Variants in ASAP1 observed in about 807,000 individuals in gnomAD.
The protein encoded by ASAP1 is ArfGAP with SH3 domain, ankyrin repeat and PH domain 1.
A neutral mutation model predicts 145.2 loss-of-function variants in ASAP1; 43 were observed. The observed-to-expected ratio is 0.30, with a 90% CI of 0.23 to 0.38. The LOEUF (loss-of-function observed/expected upper bound fraction) is 0.38. Ranked by LOEUF, ASAP1 falls within the 10% of genes least tolerant of loss-of-function variation. The probability of loss-of-function intolerance (pLI) is 1.00; values close to 1 mark genes in which losing one functional copy is unlikely to be tolerated. For missense variants in ASAP1, 1,018 were observed against 1,355.3 expected (o/e 0.75, Z 3.91); for synonymous variants, 546 against 515.5 (o/e 1.06, Z -0.80).
At chr8:130,080,048 A>C in intron 25 of ASAP1, 77 bp from the exon 26 acceptor site, 2 of 1,305,502 alleles carry the variant, frequency 1.5e-6, no homozygotes, top group Non-Finnish European at 2.2e-6. Context: ...TTTGGCCTGT[A>C]GACAGGCATT....
At chr8:130,354,961 T>C (rs1001625373) in intron 3 of ASAP1, among the ~76,000 whole-genome samples, 1 of 152,190 alleles carries the variant, frequency 6.6e-6, no homozygotes, top group African/African-American at 2.4e-5. Flanking sequence ...TCTTGGCTCA[T>C]TGTAACCTCG....
At chr8:130,303,532 TAAAC>T (rs1272060783) in intron 3 of ASAP1, among the ~76,000 whole-genome samples, 1 of 152,106 alleles carries the variant, frequency 6.6e-6, no homozygotes, top group East Asian at 1.9e-4. Context: ...CCTGAAAGGA[TAAAC>T]AAACTGTAGT....
intron 9 of ASAP1, among the ~76,000 whole-genome samples, chr8:130,176,012 T>A (rs187798862): frequency 6.6e-6 from 1 of 152,222 alleles, no homozygotes; most frequent in Non-Finnish European, 1.5e-5. Context: ...CTGGAGGATA[T>A]GTCTGTTTGG....
chr8:130,215,643 C>T (rs754313900), intron 4 of ASAP1, among the ~76,000 whole-genome samples: 1 of 152,050 alleles, frequency 6.6e-6, no homozygotes, highest in Admixed American at 6.5e-5. Flanking sequence ...ACTCGGGAGG[C>T]GGAGGCAGGA....
chr8:130,301,131 G>A (rs562740956), intron 3 of ASAP1, among the ~76,000 whole-genome samples: 1 of 152,290 alleles, frequency 6.6e-6, no homozygotes, highest in East Asian at 1.9e-4. Flanking sequence ...GAGGACATGA[G>A]AAATAGTACT....
chr8:130,354,170 C>G (rs1274512251), intron 3 of ASAP1, among the ~76,000 whole-genome samples: 2 of 152,010 alleles, frequency 1.3e-5, no homozygotes, highest in African/African-American at 4.8e-5. Context: ...GATTACAGGC[C>G]TGAGCCACCG....
rs932993328 is a variant in ASAP1, at chr8:130,053,693, GAACAA to G, written c.*1033_*1037del. The G allele has an allele frequency of 6.6e-6, 1 of 152,144 alleles. No homozygotes were observed. The highest frequency in any genetic ancestry group is 1.5e-5 in the Non-Finnish European group (1 of 68,018). The allele number at this position is 152,144 out of a possible 1,614,324, so 9.4% of individuals were successfully genotyped here. ...CTTTTAAAAGTTTAAATTTGTCCAAGAACAAAACTAAGAAAATAATAAAAAATGGA... is the reference window on the plus strand; with the variant it reads ...CTTTTAAAAGTTTAAATTTGTCCAAGAACTAAGAAAATAATAAAAAATGGA... On this transcript the variant is annotated 3_prime_UTR_variant, in exon 30 of 30. Coordinates refer to ENST00000518721, the MANE Select transcript of ASAP1 (RefSeq NM_018482.4).
In ASAP1 at chr8:130,129,460, C is replaced by T. The variant is rs77526966; in HGVS notation, c.1218-1370G>A. Among the ~76,000 whole-genome samples the T allele has an allele frequency of 2.7e-3, 409 of 152,230 alleles. 2 individuals carry two copies. The highest frequency in any genetic ancestry group is 8.3e-3 in the African/African-American group (346 of 41,522). On this transcript the variant is annotated intron_variant, in intron 15 of 29. Coordinates refer to ENST00000518721, the MANE Select transcript of ASAP1 (RefSeq NM_018482.4). The stretch of plus-strand genomic sequence containing the variant: ...TCAAAACTATAATGAACTTGTATTA[C>T]TTTCATGAATGAGAAAAAAGCCAAA...
chr8:130,216,163 T>C (rs982961721), intron 4 of ASAP1, among the ~76,000 whole-genome samples: 1 of 152,186 alleles, frequency 6.6e-6, no homozygotes, highest in African/African-American at 2.4e-5. Flanking sequence ...GAAAAATTCA[T>C]GTGTCCTAAC....
chr8:130,138,851 A>AAG (rs1169247613), intron 13 of ASAP1, among the ~76,000 whole-genome samples: 1 of 151,670 alleles, frequency 6.6e-6, no homozygotes, highest in South Asian at 2.1e-4. Context: ...AAAAAAAAAA[A>AAG]AAAGAAAACA....
At chr8:130,408,709 T>A (rs1829139154) in intron 1 of ASAP1, among the ~76,000 whole-genome samples, 1 of 152,214 alleles carries the variant, frequency 6.6e-6, no homozygotes, top group African/African-American at 2.4e-5. Flanking sequence ...CCTAGGCACA[T>A]TCATTAAATC....
chr8:130,114,550 C>T (rs2097551748), intron 23 of ASAP1, among the ~76,000 whole-genome samples: 2 of 152,174 alleles, frequency 1.3e-5, no homozygotes, highest in African/African-American at 2.4e-5. Context: ...TTGGTTTATA[C>T]CAGCATCCCA....
At chr8:130,070,321 G>C (rs1022944149) in intron 27 of ASAP1, among the ~76,000 whole-genome samples, 1 of 152,176 alleles carries the variant, frequency 6.6e-6, no homozygotes, top group African/African-American at 2.4e-5. Context: ...ACAGGCGTGA[G>C]CCACCGTGCC....
At chr8:130,217,830 G>A (rs1180800537) in intron 4 of ASAP1, among the ~76,000 whole-genome samples, 1 of 152,060 alleles carries the variant, frequency 6.6e-6, no homozygotes, top group Admixed American at 6.5e-5. Flanking sequence ...TGGGTGCAAT[G>A]GGCACTCATG....
intron 24 of ASAP1, among the ~76,000 whole-genome samples, chr8:130,099,018 T>TTTTTC (rs1176248612): frequency 6.7e-6 from 1 of 148,928 alleles, no homozygotes; most frequent in Non-Finnish European, 1.5e-5. Flanking sequence ...TAAGCTTTTT[T>TTTTTC]TTTTTTTTTT....
chr8:130,345,093 G>A (rs981892765), intron 3 of ASAP1, among the ~76,000 whole-genome samples: 2 of 152,046 alleles, frequency 1.3e-5, no homozygotes, highest in Non-Finnish European at 2.9e-5. Context: ...TTTTGAGCCC[G>A]TTTCCTCATC....
intron 11 of ASAP1, 134 bp from the exon 12 acceptor site, chr8:130,160,098 T>C: frequency 1.4e-6 from 1 of 714,130 alleles, no homozygotes; most frequent in Non-Finnish European, 2.4e-6. Flanking sequence ...GTCAGGTCCT[T>C]TCCTTTATTT....
At chr8:130,081,443 T>C (rs2097480297) in intron 25 of ASAP1, among the ~76,000 whole-genome samples, 1 of 152,194 alleles carries the variant, frequency 6.6e-6, no homozygotes, top group South Asian at 2.1e-4. Flanking sequence ...TTTCTTCCTA[T>C]GACTGCTCTG....
At chr8:130,342,756 C>T in intron 3 of ASAP1, among the ~76,000 whole-genome samples, 1 of 151,852 alleles carries the variant, frequency 6.6e-6, no homozygotes, top group East Asian at 1.9e-4. Flanking sequence ...CTCTCAGAAA[C>T]AAGTTAAAGT....
Sources: allele counts gnomAD v4.1 joint callset (sites outside exome capture counted in the v4.1 genomes callset), GRCh38; gene constraint gnomAD v4.1.1; transcripts MANE v1.5; gene names NCBI Gene and HGNC (gene_info 2026-07-23, HGNC 2026-07-21).